Variants in BCAS3 observed in about 807,000 individuals in gnomAD.
BCAS3 encodes BCAS3 microtubule associated cell migration factor, also known as BCAS4/BCAS3 fusion.
In BCAS3, 53 loss-of-function variants were observed where a neutral mutation model predicts 116.1. The ratio of observed to expected loss-of-function variants is 0.46; its 90% CI spans 0.37 to 0.57. BCAS3 has a LOEUF of 0.57. BCAS3 is among the 20% of genes least tolerant of loss of function. The probability of loss-of-function intolerance (pLI) is 0.00; values close to 1 mark genes in which losing one functional copy is unlikely to be tolerated. For missense variants in BCAS3, 917 were observed against 1,165.4 expected (o/e 0.79, Z 3.10); for synonymous variants, 391 against 408.2 (o/e 0.96, Z 0.51).
intron 6 of BCAS3, among the ~76,000 whole-genome samples, chr17:60,791,955 T>TA (rs1389282361): frequency 6.6e-6 from 1 of 151,896 alleles, no homozygotes; most frequent in Non-Finnish European, 1.5e-5. Flanking sequence ...AAACCCCATC[T>TA]CTACTAAAAA....
chr17:60,964,906 A>G lies in BCAS3; in HGVS notation c.1221+17554A>G, dbSNP rs956001255. On this transcript the variant is annotated intron_variant, in intron 14 of 23. Transcript: ENST00000407086. The surrounding 1 kb of genome is among the most constrained non-coding windows in gnomAD (Gnocchi z 4.6). Reference sequence around the variant, plus strand: ...GTTATGTGTCCTTTCTTTGTTTCTGATTTTATTTATTTAGGTCTTCTCTCT... The same window carrying G: ...GTTATGTGTCCTTTCTTTGTTTCTGGTTTTATTTATTTAGGTCTTCTCTCT... Among the ~76,000 whole-genome samples the G allele has an allele frequency of 1.3e-5, 2 of 151,480 alleles. No individual in the cohort carries two copies. Among genetic ancestry groups the G allele is most frequent in the African/African-American group, 2.4e-5 (1 of 41,224 alleles).
intron 22 of BCAS3, among the ~76,000 whole-genome samples, chr17:61,246,827 G>GTGTGTA (rs1217444834): frequency 2.5e-4 from 38 of 149,912 alleles, no homozygotes; most frequent in African/African-American, 9.4e-4. Context: ...GTGTGTGTGT[G>GTGTGTA]TGTATGTGTG....
intron 22 of BCAS3, among the ~76,000 whole-genome samples, chr17:61,148,709 C>T (rs976209930): frequency 6.6e-6 from 1 of 152,194 alleles, no homozygotes; most frequent in African/African-American, 2.4e-5. Flanking sequence ...TTTGCGCACT[C>T]TCAACACAGC....
chr17:60,734,405 C>G (rs568802618), intron 5 of BCAS3, among the ~76,000 whole-genome samples: 6 of 152,342 alleles, frequency 3.9e-5, no homozygotes, highest in Admixed American at 3.9e-4. Context: ...GCTGGGATTA[C>G]AGGTGTGAAC....
At chr17:60,742,350 G>A (rs2041635228) in intron 5 of BCAS3, among the ~76,000 whole-genome samples, 1 of 151,372 alleles carries the variant, frequency 6.6e-6, no homozygotes, top group African/African-American at 2.4e-5. Context: ...AGAGCTCTTG[G>A]TAATCCATAG....
intron 22 of BCAS3, among the ~76,000 whole-genome samples, chr17:61,231,324 A>T (rs2082666364): frequency 6.6e-6 from 1 of 151,940 alleles, no homozygotes. Flanking sequence ...TAGATTCTGG[A>T]TATTAGATTT....
Position 60,961,979 on chromosome 17 carries a change from C to T in BCAS3, c.1221+14627C>T, listed in dbSNP as rs1325951155. On this transcript the variant is annotated intron_variant, in intron 14 of 23. Transcript: ENST00000407086. The surrounding 1 kb of genome is among the most constrained non-coding windows in gnomAD (Gnocchi z 4.8). The stretch of plus-strand genomic sequence containing the variant: ...TGGTTTGTTTCTCTTAACATAATGG[C>T]CTCCAGTTTCAGCTATGTTGCTGCA... Among the ~76,000 whole-genome samples the T allele has an allele frequency of 6.6e-6, 1 of 152,100 alleles. No homozygotes were observed. The highest frequency in any genetic ancestry group is 1.5e-5 in the Non-Finnish European group (1 of 68,028).
At chr17:60,785,682 G>A (rs1252354376) in intron 6 of BCAS3, among the ~76,000 whole-genome samples, 1 of 152,182 alleles carries the variant, frequency 6.6e-6, no homozygotes, top group Non-Finnish European at 1.5e-5. Context: ...GAAGTATTGA[G>A]TGAGAATAAT....
At chr17:60,685,706 T>A (rs946777726) in intron 3 of BCAS3, among the ~76,000 whole-genome samples, 1 of 152,010 alleles carries the variant, frequency 6.6e-6, no homozygotes, top group Non-Finnish European at 1.5e-5. Context: ...AGACTGGAGA[T>A]CCAGGGTAGA....
At chr17:61,033,234 A>T (rs1290989692) in intron 16 of BCAS3, among the ~76,000 whole-genome samples, 1 of 152,146 alleles carries the variant, frequency 6.6e-6, no homozygotes, top group East Asian at 1.9e-4. Context: ...CATCAGAATC[A>T]TCTGGAGGGT....
intron 22 of BCAS3, among the ~76,000 whole-genome samples, chr17:61,168,521 C>T (rs2078651399): frequency 6.6e-6 from 1 of 152,172 alleles, no homozygotes; most frequent in Admixed American, 6.6e-5. Flanking sequence ...CTAATTTTCC[C>T]TCCTGCCAAA....
Position 61,233,549 on chromosome 17 carries a change from G to A in BCAS3, c.2426-134778G>A, listed in dbSNP as rs1192228835. Among the ~76,000 whole-genome samples the A allele has an allele frequency of 6.6e-6, 1 of 152,234 alleles. No homozygotes were observed. Among genetic ancestry groups the A allele is most frequent in the African/African-American group, 2.4e-5 (1 of 41,466 alleles). The stretch of plus-strand genomic sequence containing the variant: ...AGGGCTTCCCTGAAAGGTGGAGCCA[G>A]TAGACTTGATTTGGAGATGAAGCAT... On this transcript the variant is annotated intron_variant, in intron 22 of 23. Transcript: ENST00000407086. This position sits in a 1 kb window ranked among gnomAD's most constrained non-coding sequence, Gnocchi z 4.3.
intron 19 of BCAS3, among the ~76,000 whole-genome samples, chr17:61,057,429 G>C (rs1372952279): frequency 6.6e-6 from 1 of 152,214 alleles, no homozygotes; most frequent in Non-Finnish European, 1.5e-5. Flanking sequence ...AGGAAATCCA[G>C]ACACTGATGG....
intron 6 of BCAS3, among the ~76,000 whole-genome samples, chr17:60,807,064 A>T (rs768771366): frequency 4.6e-5 from 7 of 152,160 alleles, no homozygotes; most frequent in Non-Finnish European, 5.9e-5. Context: ...GTAGATGATC[A>T]TTATTAGGTT....
At chr17:61,350,353 T>G (rs1386268039) in intron 22 of BCAS3, among the ~76,000 whole-genome samples, 1 of 151,928 alleles carries the variant, frequency 6.6e-6, no homozygotes, top group African/African-American at 2.4e-5. Context: ...AGGCGGAGAT[T>G]GCAGTGAGCC....
chr17:60,779,668 A>G (rs550397114), intron 6 of BCAS3, among the ~76,000 whole-genome samples: 2 of 152,156 alleles, frequency 1.3e-5, no homozygotes, highest in South Asian at 4.1e-4. Flanking sequence ...CGCGCCCGGC[A>G]GAATTTCATG....
chr17:61,373,791 ACTT>A (rs1470084141), intron 23 of BCAS3, among the ~76,000 whole-genome samples: 1 of 116,828 alleles, frequency 8.6e-6, no homozygotes, highest in Admixed American at 9.5e-5. Context: ...GCTGCTGTTA[ACTT>A]CTTCTTCTTC....
rs200458907 is a variant in BCAS3, at chr17:61,324,342, T to TAGAC, written c.2426-43984_2426-43981dup. On this transcript the variant is annotated intron_variant, in intron 22 of 23. Transcript: ENST00000407086. This position sits in a 1 kb window ranked among gnomAD's most constrained non-coding sequence, Gnocchi z 4.6. ...ACACAGAGGATACTAGAACTAGGAT[T>TAGAC]AGACTAAGGCAGAGATTCACCCATT... is the stretch of plus-strand genomic sequence containing the variant. Among the ~76,000 whole-genome samples, 742 of 152,322 alleles carry TAGAC rather than the reference T, an allele frequency of 4.9e-3. 6 individuals carry two copies. Among genetic ancestry groups the TAGAC allele is most frequent in the African/African-American group, 0.017 (712 of 41,566 alleles).
chr17:61,319,456 G>A (rs1408166364), intron 22 of BCAS3, among the ~76,000 whole-genome samples: 2 of 152,024 alleles, frequency 1.3e-5, no homozygotes, highest in Non-Finnish European at 2.9e-5. Context: ...CTGTCAGAAT[G>A]TTGACTCTAG....
Sources: gnomAD v4.1 joint callset for allele counts (sites outside exome capture counted in the v4.1 genomes callset) on GRCh38, gnomAD v4.1.1 for gene constraint, Gnocchi (gnomAD v3.1) non-coding constraint, MANE v1.5 for transcripts, NCBI Gene and HGNC (gene_info 2026-07-23, HGNC 2026-07-21) for gene names.